The following NXPE4 variants were observed in gnomAD, a reference collection of about 807,000 sequenced individuals.
NXPE4 encodes the protein NXPE family member 4.
NXPE4 carries 42 observed loss-of-function variants against 33.3 expected under a neutral mutation model. The ratio of observed to expected loss-of-function variants is 1.26; its 90% CI spans 0.98 to 1.63. The LOEUF (loss-of-function observed/expected upper bound fraction) is 1.63, where lower values mean the gene tolerates loss of function less well. Among genes scored for constraint, NXPE4 ranks in the 40% most tolerant of loss-of-function variants. NXPE4 has a pLI of 0.00. For missense variants in NXPE4, 709 were observed against 647.6 expected (o/e 1.09, Z -1.03); for synonymous variants, 253 against 234.9 (o/e 1.08, Z -0.71).
the NXPE4 span, among the ~76,000 whole-genome samples, chr11:114,618,583 G>A: frequency 7.2e-5 from 11 of 152,156 alleles, no homozygotes; most frequent in African/African-American, 2.2e-4. Flanking sequence ...TTGCCTCGTG[G>A]GTAACAACTG....
chr11:114,643,744 C>CT, the NXPE4 span, among the ~76,000 whole-genome samples: 21 of 151,546 alleles, frequency 1.4e-4, no homozygotes, highest in Non-Finnish European at 2.7e-4. Context: ...TATATGGGCT[C>CT]TTTTTTGGTA....
upstream of NXPE4, among the ~76,000 whole-genome samples, chr11:114,597,241 T>G (rs1269754152): frequency 6.6e-6 from 1 of 152,116 alleles, no homozygotes; most frequent in Non-Finnish European, 1.5e-5. Flanking sequence ...AATGTTTGAT[T>G]AGCCCAATAG....
At chr11:114,601,322 T>G in the NXPE4 span, among the ~76,000 whole-genome samples, 1 of 149,316 alleles carries the variant, frequency 6.7e-6, no homozygotes, top group South Asian at 2.1e-4. Flanking sequence ...TAAATCCCAC[T>G]TATAAGTGAG....
chr11:114,584,322 T>A (rs111449851), intron 2 of NXPE4: 134 of 500,304 alleles, frequency 2.7e-4, no homozygotes, highest in African/African-American at 2.4e-3. Flanking sequence ...AGAACACTAA[T>A]GAGTACCTGG....
chr11:114,601,821 A>T, the NXPE4 span, among the ~76,000 whole-genome samples: 17 of 75,296 alleles, frequency 2.3e-4, no homozygotes, highest in African/African-American at 8.0e-4. Flanking sequence ...ATAATTATAT[A>T]TAATATATAA....
At chr11:114,662,889 G>A in the NXPE4 span, among the ~76,000 whole-genome samples, 2 of 152,102 alleles carry the variant, frequency 1.3e-5, no homozygotes, top group African/African-American at 2.4e-5. Context: ...TTGAATAACC[G>A]GCAGCAATAC....
chr11:114,583,315 T>C, intron 2 of NXPE4: 1 of 625,150 alleles, frequency 1.6e-6, no homozygotes, highest in South Asian at 1.6e-5. Context: ...GTGTTGGAAA[T>C]TACTATTATG....
chr11:114,603,420 A>T, the NXPE4 span, among the ~76,000 whole-genome samples: 3 of 151,124 alleles, frequency 2.0e-5, no homozygotes, highest in Non-Finnish European at 4.4e-5. Context: ...GTGGATGATA[A>T]GTATTGCCTC....
rs775100729 is a variant in NXPE4 at position 114,582,847 on chromosome 11, C to T, written c.271G>A (p.Val91Met). Residue 91 changes from valine (V) to methionine (M), a missense_variant, in exon 3 of 6, where the codon GTG becomes ATG. Coordinates refer to ENST00000375478, the MANE Select transcript of NXPE4 (RefSeq NM_001077639.2). ...QQIPPRPFTHVNTTTSATHST... is the reference protein window; with the variant it reads ...QQIPPRPFTHMNTTTSATHST... ...TGTGTGGCGCTGGTGGTGGTGTTCA[C>T]GTGGGTGAAAGGTCTGGGTGGGATC... 25 of 1,613,992 alleles carry T rather than the reference C, an allele frequency of 1.5e-5. No homozygotes were observed. The highest frequency in any genetic ancestry group is 1.1e-4 in the South Asian group (10 of 91,084).
chr11:114,588,984 G>A (rs1247270641), intron 2 of NXPE4, among the ~76,000 whole-genome samples: 20 of 152,116 alleles, frequency 1.3e-4, no homozygotes. Context: ...GGGACCAGGA[G>A]GAGACCCAGG....
the NXPE4 span, among the ~76,000 whole-genome samples, chr11:114,633,236 A>G: frequency 7.4e-6 from 1 of 134,298 alleles, no homozygotes; most frequent in East Asian, 2.1e-4. Flanking sequence ...AAATATATGT[A>G]ACATATAATA....
At chr11:114,636,221 T>G in the NXPE4 span, among the ~76,000 whole-genome samples, 1 of 152,080 alleles carries the variant, frequency 6.6e-6, no homozygotes, top group Non-Finnish European at 1.5e-5. Flanking sequence ...AATTTATCCA[T>G]TTTTTCTAGA....
the NXPE4 span, among the ~76,000 whole-genome samples, chr11:114,613,211 A>T: frequency 6.6e-6 from 1 of 151,912 alleles, no homozygotes; most frequent in Admixed American, 6.6e-5. Context: ...CCTGGTGGAT[A>T]ATACTTGTTG....
the NXPE4 span, among the ~76,000 whole-genome samples, chr11:114,622,756 A>C: frequency 2.6e-5 from 4 of 152,148 alleles, no homozygotes; most frequent in African/African-American, 9.6e-5. Flanking sequence ...CCAGCGGATA[A>C]GTGTTGCCTC....
the NXPE4 span, among the ~76,000 whole-genome samples, chr11:114,637,530 C>T: frequency 1.3e-5 from 2 of 150,694 alleles, no homozygotes; most frequent in East Asian, 3.9e-4. Context: ...TTATTTTGCT[C>T]GTTAGTTGAT....
chr11:114,643,607 T>C, the NXPE4 span, among the ~76,000 whole-genome samples: 1 of 152,064 alleles, frequency 6.6e-6, no homozygotes, highest in Non-Finnish European at 1.5e-5. Flanking sequence ...TTCTGTTCCA[T>C]TGGTCTATAT....
rs1264148218 is a variant in NXPE4, at chr11:114,570,699, TA to T, written c.*238del. On this transcript the variant is annotated 3_prime_UTR_variant, in exon 6 of 6. Coordinates refer to ENST00000375478, the MANE Select transcript of NXPE4 (RefSeq NM_001077639.2). ...TTGACTTCCCATTGGTGAAGAGGGG[TA>T]TGGCTCTGATCAAGAAGGGTAGGCT... The T allele has an allele frequency of 8.3e-6, 3 of 360,150 alleles. No homozygotes were observed. The highest frequency in any genetic ancestry group is 1.5e-5 in the Non-Finnish European group (3 of 201,996). 22.3% of individuals were successfully genotyped at this position (360,150 alleles called of 1,614,324 possible).
chr11:114,649,634 C>G, the NXPE4 span, among the ~76,000 whole-genome samples: 1 of 152,150 alleles, frequency 6.6e-6, no homozygotes, highest in African/African-American at 2.4e-5. Context: ...TGGTAATACA[C>G]CCCTATGAAA....
At chr11:114,625,051 T>C in the NXPE4 span, among the ~76,000 whole-genome samples, 42 of 150,128 alleles carry the variant, frequency 2.8e-4, no homozygotes, top group Non-Finnish European at 5.8e-4. Flanking sequence ...ACTGTTACCC[T>C]GTGGATGATA....
Sources: gnomAD v4.1 joint callset for allele counts (sites outside exome capture counted in the v4.1 genomes callset) on GRCh38, gnomAD v4.1.1 for gene constraint, MANE v1.5 for transcripts, NCBI Gene and HGNC (gene_info 2026-07-23, HGNC 2026-07-21) for gene names.